Variants in RCN1 observed in about 807,000 individuals in gnomAD.
RCN1 encodes the protein reticulocalbin 1.
A neutral mutation model predicts 34.7 loss-of-function variants in RCN1; 14 were observed. That is an observed-to-expected ratio of 0.40 (90% confidence interval 0.27 to 0.63). The LOEUF is 0.63. Among genes scored for constraint, RCN1 ranks in the 30% least tolerant of loss-of-function variants. RCN1 has a pLI of 0.37. For missense variants in RCN1, 326 were observed against 425.1 expected (o/e 0.77, Z 2.05); for synonymous variants, 125 against 165.5 (o/e 0.76, Z 1.88).
At chr11:32,098,268 C>T (rs994878494) in intron 2 of RCN1, 82 bp from the exon 3 acceptor site, 34 of 1,245,592 alleles carry the variant, frequency 2.7e-5, no homozygotes, top group Admixed American at 1.3e-4. Context: ...ACCATTTGAG[C>T]ATGCAGGATG....
intron 4 of RCN1, among the ~76,000 whole-genome samples, chr11:32,101,319 A>G (rs1301923164): frequency 1.3e-5 from 2 of 149,364 alleles, no homozygotes; most frequent in South Asian, 2.1e-4. Flanking sequence ...ACCACCTGCT[A>G]TGGCACATGG....
At chr11:32,103,819 A>C (rs956155748) in intron 5 of RCN1, among the ~76,000 whole-genome samples, 1 of 152,218 alleles carries the variant, frequency 6.6e-6, no homozygotes, top group Non-Finnish European at 1.5e-5. Context: ...TTGTCACCAA[A>C]TACTTATCAA....
At chr11:32,096,374 T>C (rs1372203006) in intron 1 of RCN1, among the ~76,000 whole-genome samples, 1 of 152,132 alleles carries the variant, frequency 6.6e-6, no homozygotes, top group East Asian at 1.9e-4. Context: ...GGTACCTCAG[T>C]GGAGTTCAGT....
At chr11:32,102,079 A>T (rs185080971) in intron 4 of RCN1, 1 of 151,932 alleles carries the variant, frequency 6.6e-6, no homozygotes, top group Admixed American at 6.5e-5. Flanking sequence ...AGGAAACCCA[A>T]TGTATTGACT....
intron 4 of RCN1, 40 bp from the exon 5 acceptor site, chr11:32,103,241 C>T: frequency 6.3e-7 from 1 of 1,596,080 alleles, no homozygotes. Flanking sequence ...GGTTTACCTT[C>T]CCACTTTCCT....
intron 3 of RCN1, among the ~76,000 whole-genome samples, chr11:32,100,038 T>G (rs1412030432): frequency 6.6e-6 from 1 of 152,214 alleles, no homozygotes; most frequent in African/African-American, 2.4e-5. Context: ...AAATACTGAA[T>G]AAGAGGTCAA....
chr11:32,098,044 G>C (rs936878749), intron 2 of RCN1, among the ~76,000 whole-genome samples: 7 of 152,202 alleles, frequency 4.6e-5, no homozygotes, highest in African/African-American at 1.7e-4. Flanking sequence ...GTATGTTCCA[G>C]ATCTAAGAAT....
chr11:32,097,103 G>GCC (rs1395450984), intron 1 of RCN1, 41 bp from the exon 2 acceptor site: 1 of 1,430,050 alleles, frequency 7.0e-7, no homozygotes, highest in South Asian at 1.6e-5. Flanking sequence ...ACAGCCTTGT[G>GCC]CCTGTGTGTG....
rs929956167 is a variant in RCN1, at chr11:32,091,235, C to G, written c.39C>G (p.Ala13=). ...RGGRGRRLGL[A]LGLLLALVLA... ...GCCGCGGCCGCCGCCTGGGGTTAGC[C>G]CTGGGGCTGCTGCTGGCGCTGGTGC... The change falls in exon 1 of 6, where the codon GCC becomes GCG. Residue 13 remains alanine, a synonymous_variant. Transcript: ENST00000054950. The G allele has an allele frequency of 3.4e-5, 52 of 1,527,352 alleles. No homozygotes were observed. Among genetic ancestry groups the G allele is most frequent in the Middle Eastern group, 2.3e-4 (1 of 4,308 alleles). The allele number at this position is 1,527,352 out of a possible 1,614,324, so 94.6% of individuals were successfully genotyped here.
chr11:32,091,824 A>C lies in RCN1; in HGVS notation c.254+374A>C, dbSNP rs1590216468. 2.5e-5 allele frequency: 6 copies of C among 243,598 alleles called. No individual in the cohort carries two copies. The South Asian group carries it at 2.7e-4, about 11-fold the overall frequency. The allele number at this position is 243,598 out of a possible 1,614,324, so 15.1% of individuals were successfully genotyped here. ...CTGTTAGTGCCATGAGTTCCTCCCC[A>C]CTCTCTCGCAGTTTCTCTCTGATCC... On this transcript the variant is annotated intron_variant, in intron 1 of 5. Transcript: ENST00000054950.
At chr11:32,101,956 G>A (rs1852048858) in intron 4 of RCN1, 1 of 152,260 alleles carries the variant, frequency 6.6e-6, no homozygotes, top group African/African-American at 2.4e-5. Context: ...GTCAGAGGCA[G>A]AACTCTTTGA....
At chr11:32,103,756 G>A (rs1239581330) in intron 5 of RCN1, among the ~76,000 whole-genome samples, 4 of 152,136 alleles carry the variant, frequency 2.6e-5, no homozygotes, top group African/African-American at 4.8e-5. Context: ...GGCAGGACAC[G>A]ATTTAAGAAG....
rs1001045520 is a variant in RCN1 at position 32,091,324 on chromosome 11, C to G, written c.128C>G (p.Ser43Trp). The G allele has an allele frequency of 3.9e-6, 6 of 1,547,886 alleles. No individual in the cohort carries two copies. The highest frequency in any genetic ancestry group is 1.4e-5 in the African/African-American group (1 of 72,980). The part of the protein sequence containing the change: ...VRKERVVRPD[S>W]ELGERPPEDN... ...AAAGAGCGCGTGGTGCGGCCCGACTCGGAGCTGGGCGAGCGGCCCCCTGAG... is the reference window on the plus strand; with the variant it reads ...AAAGAGCGCGTGGTGCGGCCCGACTGGGAGCTGGGCGAGCGGCCCCCTGAG... The change falls in exon 1 of 6, where the codon TCG (serine) becomes TGG (tryptophan). Residue 43 changes from serine (S) to tryptophan (W), a missense_variant. By Grantham distance (177) the Ser-to-Trp change is radical. Coordinates refer to ENST00000054950, the MANE Select transcript of RCN1 (RefSeq NM_002901.4).
rs1024870272 is a variant in RCN1, at chr11:32,105,715, T to G, written c.*1243T>G. ...TTACTAATTTAATAAATGTATGTAC[T>G]TAATGCCTTTACTTTTCTAGGTCAT... On this transcript the variant is annotated 3_prime_UTR_variant, in exon 6 of 6. Transcript: ENST00000054950. The G allele has an allele frequency of 2.0e-5, 3 of 152,214 alleles. No homozygotes were observed. Among genetic ancestry groups the G allele is most frequent in the Admixed American group, 6.5e-5 (1 of 15,282 alleles). 9.4% of individuals were successfully genotyped at this position (152,214 alleles called of 1,614,324 possible). A position where few individuals can be genotyped will look rare whatever the true frequency, so the allele number is the denominator to read the frequency against.
chr11:32,094,466 T>C (rs1851951351), intron 1 of RCN1, among the ~76,000 whole-genome samples: 2 of 152,178 alleles, frequency 1.3e-5, no homozygotes, highest in East Asian at 1.9e-4. Context: ...CCAGCCCTAT[T>C]TGGCGGCTAG....
intron 1 of RCN1, chr11:32,091,679 C>CGGGGAGG (rs1851923619): frequency 1.9e-6 from 1 of 514,390 alleles, no homozygotes; most frequent in Admixed American, 4.4e-5. Flanking sequence ...TGGTTTCTCG[C>CGGGGAGG]GGGGAGGCGA....
intron 1 of RCN1, among the ~76,000 whole-genome samples, chr11:32,094,180 T>C (rs1451720458): frequency 1.3e-5 from 2 of 152,118 alleles, no homozygotes; most frequent in Non-Finnish European, 2.9e-5. Context: ...CCTCCAAGAT[T>C]GGGCTGAGGA....
chr11:32,095,585 T>G (rs929753442), intron 1 of RCN1, among the ~76,000 whole-genome samples: 1 of 152,168 alleles, frequency 6.6e-6, no homozygotes, highest in Non-Finnish European at 1.5e-5. Flanking sequence ...TTTTTTTGTA[T>G]TTTTAGTAGA....
chr11:32,104,503 A>T lies in RCN1; in HGVS notation c.*31A>T, dbSNP rs1852085588. On this transcript the variant is annotated 3_prime_UTR_variant, in exon 6 of 6. Coordinates refer to ENST00000054950, the MANE Select transcript of RCN1 (RefSeq NM_002901.4). The stretch of plus-strand genomic sequence containing the variant: ...ACTCACCAGAATATGGCAGACTGTC[A>T]TAGGCATTCTGTTATTGTCTTGGAT... The T allele has an allele frequency of 2.8e-6, 3 of 1,089,150 alleles. No individual in the cohort carries two copies. The African/African-American group carries it at 4.5e-5, about 16-fold the overall frequency. 67.5% of individuals were successfully genotyped at this position (1,089,150 alleles called of 1,614,324 possible). A position where few individuals can be genotyped will look rare whatever the true frequency, so the allele number is the denominator to read the frequency against.
Sources: gnomAD v4.1 joint callset for allele counts (sites outside exome capture counted in the v4.1 genomes callset) on GRCh38, gnomAD v4.1.1 for gene constraint, MANE v1.5 for transcripts, NCBI Gene and HGNC (gene_info 2026-07-23, HGNC 2026-07-21) for gene names.